GBE1: variants seen among roughly 807,000 people sequenced by gnomAD.
GBE1 encodes 1,4-alpha-glucan-branching enzyme.
A neutral mutation model predicts 88.8 loss-of-function variants in GBE1; 70 were observed. The observed-to-expected ratio is 0.79, with a 90% CI of 0.65 to 0.96. The LOEUF (loss-of-function observed/expected upper bound fraction) is 0.96. Ranked by LOEUF, GBE1 falls within the 40% of genes least tolerant of loss-of-function variation. GBE1 has a pLI of 0.00. For synonymous variants in GBE1, 284 were observed against 300.1 expected (o/e 0.95, Z 0.56); for missense variants, 872 against 871.0 (o/e 1.00, Z -0.01).
chr3:81,713,644 T>A (rs1032105720), intron 1 of GBE1, among the ~76,000 whole-genome samples: 4 of 152,206 alleles, frequency 2.6e-5, no homozygotes, highest in African/African-American at 9.6e-5. Context: ...AAGAATTTTT[T>A]AAATGACATC....
chr3:81,593,952 C>T lies in GBE1; in HGVS notation c.1064G>A (p.Arg355His), dbSNP rs869312919. The change falls in exon 8 of 16, where the codon CGT becomes CAT. Residue 355 changes from arginine to histidine, a missense_variant. Physicochemically the swap from Arg to His is conservative, Grantham distance 29 (BLOSUM62 0). Coordinates refer to ENST00000429644, the MANE Select transcript of GBE1 (RefSeq NM_000158.4). ...AAGCATGGACGTAACACCATCAAAA[C>T]GAAATCCATCAAAGCGATATTCTTC... ...WLEEYRFDGF[R>H]FDGVTSMLYH... 12 of 1,585,462 alleles carry T rather than the reference C, an allele frequency of 7.6e-6. No homozygotes were observed. The highest frequency in any genetic ancestry group is 1.3e-5 in the African/African-American group (1 of 74,328).
intron 3 of GBE1, among the ~76,000 whole-genome samples, chr3:81,668,149 T>C (rs1014703972): frequency 6.6e-6 from 1 of 152,036 alleles, no homozygotes; most frequent in African/African-American, 2.4e-5. Context: ...ATGTTCTCAC[T>C]CATAAATGGG....
intron 12 of GBE1, among the ~76,000 whole-genome samples, chr3:81,560,606 C>G (rs1184038819): frequency 6.6e-6 from 1 of 151,984 alleles, no homozygotes; most frequent in East Asian, 1.9e-4. Context: ...TTCATCTCTT[C>G]ACCTCCACAT....
rs1474784268 is a variant in GBE1 at position 81,632,424 on chromosome 3, A to G, written c.992+10357T>C. ...ATATGAACAGACACTTTTCAAAAGA[A>G]GACATTTATGTGGCCAACAAAGATG... On this transcript the variant is annotated intron_variant, in intron 7 of 15. Transcript: ENST00000429644. Among the ~76,000 whole-genome samples the G allele has an allele frequency of 2.0e-5, 3 of 152,224 alleles. No homozygotes were observed. The East Asian group carries it at 5.8e-4, about 29-fold the overall frequency.
intron 3 of GBE1, among the ~76,000 whole-genome samples, chr3:81,654,172 A>C (rs1398195844): frequency 6.6e-6 from 1 of 152,216 alleles, no homozygotes; most frequent in Non-Finnish European, 1.5e-5. Context: ...AGACATTATT[A>C]GATTACATAA....
At chr3:81,698,128 A>G (rs911602648) in intron 2 of GBE1, among the ~76,000 whole-genome samples, 2 of 150,658 alleles carry the variant, frequency 1.3e-5, no homozygotes, top group Non-Finnish European at 3.0e-5. Context: ...CTAAAATCCC[A>G]GAAGGTAAAG....
chr3:81,546,241 C>A (rs1030223872), intron 12 of GBE1, among the ~76,000 whole-genome samples: 1 of 151,882 alleles, frequency 6.6e-6, no homozygotes, highest in Non-Finnish European at 1.5e-5. Context: ...CACAAACTCA[C>A]ACACACACTA....
chr3:81,756,674 G>A (rs1378483747), intron 1 of GBE1, among the ~76,000 whole-genome samples: 2 of 152,112 alleles, frequency 1.3e-5, no homozygotes, highest in Non-Finnish European at 2.9e-5. Flanking sequence ...GAGACAGGGC[G>A]AAGTCAGAGA....
At chr3:81,625,670 G>T (rs956690623) in intron 7 of GBE1, among the ~76,000 whole-genome samples, 1 of 152,124 alleles carries the variant, frequency 6.6e-6, no homozygotes, top group Non-Finnish European at 1.5e-5. Context: ...TTAAACTCCA[G>T]TGCTTAAGTG....
chr3:81,593,789 G>A, intron 8 of GBE1, 119 bp downstream of exon 8: 1 of 571,314 alleles, frequency 1.8e-6, no homozygotes, highest in Non-Finnish European at 3.1e-6. Flanking sequence ...TGCCAAAATG[G>A]GATAATAAAT....
At position 81,689,884 on chromosome 3, in the gene GBE1, G is replaced by C. The variant is rs74944360; in HGVS notation, c.313+15560C>G. ...GGTGGAACCAGGGATTCAATTCAAA[G>C]CACACCAGCGGGGATTCTAGCTTTG... On this transcript the variant is annotated intron_variant, in intron 2 of 15. Transcript: ENST00000429644. 4.1e-3 allele frequency among the ~76,000 whole-genome samples: 622 copies of C among 152,232 alleles called. 9 individuals carry two copies. Among genetic ancestry groups the C allele is most frequent in the Middle Eastern group, 0.014 (4 of 294 alleles).
chr3:81,621,583 T>C (rs1704334182), intron 7 of GBE1, among the ~76,000 whole-genome samples: 2 of 152,112 alleles, frequency 1.3e-5, no homozygotes. Context: ...AGAAAATTAC[T>C]CCTAACCACA....
intron 1 of GBE1, among the ~76,000 whole-genome samples, chr3:81,712,984 C>T (rs958534845): frequency 9.9e-5 from 15 of 151,978 alleles, no homozygotes; most frequent in Non-Finnish European, 1.6e-4. Context: ...TTTTATGTTC[C>T]TCAATCAGGG....
At chr3:81,676,431 G>A (rs1200011090) in intron 2 of GBE1, among the ~76,000 whole-genome samples, 1 of 151,864 alleles carries the variant, frequency 6.6e-6, no homozygotes, top group African/African-American at 2.4e-5. Flanking sequence ...ATTTTAATTT[G>A]CAGTCTTAAG....
intron 5 of GBE1, among the ~76,000 whole-genome samples, chr3:81,647,708 T>A (rs1704785466): frequency 6.6e-6 from 1 of 152,180 alleles, no homozygotes; most frequent in Non-Finnish European, 1.5e-5. Context: ...ATAAGCTCAT[T>A]GTTAATGGCA....
chr3:81,491,042 G>T (rs1209425322), intron 15 of GBE1, among the ~76,000 whole-genome samples: 1 of 152,064 alleles, frequency 6.6e-6, no homozygotes, highest in Non-Finnish European at 1.5e-5. Flanking sequence ...TCCCAGCTCA[G>T]CTCCTTGCTT....
At position 81,649,716 on chromosome 3, in the gene GBE1, C is replaced by G. The variant is rs968773324; in HGVS notation, c.555+80G>C. 21 of 1,176,140 alleles carry G rather than the reference C, an allele frequency of 1.8e-5. No homozygotes were observed. In the African/African-American group the frequency reaches 3.0e-4, roughly 17 times the overall value. 72.9% of individuals were successfully genotyped at this position (1,176,140 alleles called of 1,614,324 possible). A position where few individuals can be genotyped will look rare whatever the true frequency, so the allele number is the denominator to read the frequency against. The stretch of plus-strand genomic sequence containing the variant: ...CAGTGAAGATAAGCATTGAACATTA[C>G]TATAAAAGTTATAAAAGTAAAAATT... On this transcript the variant is annotated intron_variant, in intron 4 of 15. Transcript: ENST00000429644.
At chr3:81,695,057 C>T (rs572534965) in intron 2 of GBE1, among the ~76,000 whole-genome samples, 2 of 152,250 alleles carry the variant, frequency 1.3e-5, no homozygotes, top group South Asian at 2.1e-4. Context: ...GTGAATATTC[C>T]TTTTGCTTTT....
At chr3:81,523,352 A>G (rs566152866) in intron 14 of GBE1, among the ~76,000 whole-genome samples, 1 of 151,540 alleles carries the variant, frequency 6.6e-6, no homozygotes, top group South Asian at 2.1e-4. Context: ...ATTTAAATTT[A>G]AAATTGTTAT....
Sources: gnomAD v4.1 joint callset for allele counts (sites outside exome capture counted in the v4.1 genomes callset) on GRCh38, gnomAD v4.1.1 for gene constraint, MANE v1.5 for transcripts, NCBI Gene and HGNC (gene_info 2026-07-23, HGNC 2026-07-21) for gene names.